Variants in UVRAG observed in about 807,000 individuals in gnomAD.
The protein encoded by UVRAG is UV radiation resistance-associated gene protein.
A neutral mutation model predicts 78.0 loss-of-function variants in UVRAG; 19 were observed. The observed-to-expected ratio is 0.24, with a 90% confidence interval of 0.17 to 0.36. UVRAG has a LOEUF of 0.36. Ranked by LOEUF, UVRAG falls within the 10% of genes least tolerant of loss-of-function variation. UVRAG has a pLI of 1.00. For synonymous variants in UVRAG, 323 were observed against 324.6 expected (o/e 1.00, Z 0.05); for missense variants, 740 against 853.8 (o/e 0.87, Z 1.66).
At chr11:75,988,342 AT>A (rs1949541296) in intron 8 of UVRAG, among the ~76,000 whole-genome samples, 1 of 152,164 alleles carries the variant, frequency 6.6e-6, no homozygotes, top group African/African-American at 2.4e-5. Flanking sequence ...CTTTTCTAGC[AT>A]TTCATATGAA....
chr11:75,883,114 G>A (rs1946988416), intron 4 of UVRAG, among the ~76,000 whole-genome samples: 1 of 152,062 alleles, frequency 6.6e-6, no homozygotes, highest in African/African-American at 2.4e-5. Context: ...TTAAGTACTT[G>A]TTTCTCTTCT....
intron 1 of UVRAG, among the ~76,000 whole-genome samples, chr11:75,829,549 T>C (rs561741415): frequency 1.6e-4 from 24 of 152,282 alleles, no homozygotes; most frequent in Admixed American, 6.5e-5. Context: ...AGAGACTGTT[T>C]AGGTGCTGGA....
At chr11:76,055,606 G>C (rs1342237407) in intron 12 of UVRAG, among the ~76,000 whole-genome samples, 1 of 152,182 alleles carries the variant, frequency 6.6e-6, no homozygotes, top group Non-Finnish European at 1.5e-5. Flanking sequence ...TCAGATATCA[G>C]TAGACTTCCC....
At chr11:76,087,512 G>A (rs758967083) in intron 13 of UVRAG, among the ~76,000 whole-genome samples, 29 of 152,172 alleles carry the variant, frequency 1.9e-4, no homozygotes, top group Non-Finnish European at 2.8e-4. Flanking sequence ...ATTACTGTGT[G>A]TCAGACAAGG....
chr11:75,977,595 T>C (rs1410869716), intron 7 of UVRAG, among the ~76,000 whole-genome samples: 2 of 152,246 alleles, frequency 1.3e-5, no homozygotes, highest in Non-Finnish European at 2.9e-5. Flanking sequence ...TTAGCTCTTC[T>C]AGTTGAATTG....
chr11:76,079,793 T>G (rs1951465396), intron 13 of UVRAG, among the ~76,000 whole-genome samples: 1 of 152,220 alleles, frequency 6.6e-6, no homozygotes, highest in Non-Finnish European at 1.5e-5. Flanking sequence ...CATAAGGAAA[T>G]AATTCTAACT....
intron 7 of UVRAG, among the ~76,000 whole-genome samples, chr11:75,970,861 A>C (rs1435272493): frequency 1.3e-5 from 2 of 152,132 alleles, no homozygotes; most frequent in East Asian, 1.9e-4. Flanking sequence ...AATTAATATT[A>C]ATACATTATT....
At chr11:75,979,070 CT>C (rs1374024286) in intron 7 of UVRAG, among the ~76,000 whole-genome samples, 1 of 152,112 alleles carries the variant, frequency 6.6e-6, no homozygotes, top group African/African-American at 2.4e-5. Flanking sequence ...GATATCCTTT[CT>C]GTTTGTTAGT....
chr11:76,018,867 T>C (rs1427853476), intron 12 of UVRAG, among the ~76,000 whole-genome samples: 1 of 152,246 alleles, frequency 6.6e-6, no homozygotes, highest in Non-Finnish European at 1.5e-5. Context: ...CTTCTTGTAC[T>C]TGAATATTGA....
At chr11:76,002,033 GC>G (rs1949824153) in intron 8 of UVRAG, among the ~76,000 whole-genome samples, 1 of 152,136 alleles carries the variant, frequency 6.6e-6, no homozygotes, top group Non-Finnish European at 1.5e-5. Context: ...GGACATCATT[GC>G]TTCCAGATGT....
intron 6 of UVRAG, among the ~76,000 whole-genome samples, chr11:75,959,700 A>C (rs1000459541): frequency 3.9e-5 from 6 of 152,162 alleles, no homozygotes; most frequent in African/African-American, 1.2e-4. Context: ...TGCATTCACA[A>C]CTTGGCTGAC....
At chr11:75,886,905 T>A (rs1947090223) in intron 4 of UVRAG, among the ~76,000 whole-genome samples, 1 of 152,112 alleles carries the variant, frequency 6.6e-6, no homozygotes, top group Non-Finnish European at 1.5e-5. Context: ...AAGCTATTTA[T>A]ATATTTCATA....
chr11:75,941,693 T>A (rs1194288902), intron 6 of UVRAG, among the ~76,000 whole-genome samples: 1 of 152,128 alleles, frequency 6.6e-6, no homozygotes, highest in East Asian at 1.9e-4. Flanking sequence ...ATTATTTCCT[T>A]TGGTGCAGAG....
chr11:76,099,683 G>T (rs1329193473), intron 13 of UVRAG, among the ~76,000 whole-genome samples: 1 of 151,896 alleles, frequency 6.6e-6, no homozygotes, highest in Non-Finnish European at 1.5e-5. Flanking sequence ...TATAGATCTT[G>T]CTATTTTGGT....
At chr11:76,016,097 T>C (rs1950140686) in intron 11 of UVRAG, among the ~76,000 whole-genome samples, 1 of 152,194 alleles carries the variant, frequency 6.6e-6, no homozygotes, top group African/African-American at 2.4e-5. Context: ...GTTTAGAAAA[T>C]GTAATTGTCT....
chr11:76,015,927 C>T (rs932326250), intron 11 of UVRAG, among the ~76,000 whole-genome samples: 4 of 152,230 alleles, frequency 2.6e-5, no homozygotes, highest in East Asian at 1.9e-4. Flanking sequence ...AGTGCACACA[C>T]GTGCACTTGT....
chr11:75,932,363 C>T (rs978949853), intron 6 of UVRAG, among the ~76,000 whole-genome samples: 1 of 152,016 alleles, frequency 6.6e-6, no homozygotes, highest in Non-Finnish European at 1.5e-5. Flanking sequence ...TGGCTCACTG[C>T]AACCTCTGCC....
At chr11:75,933,255 A>G (rs1270752807) in intron 6 of UVRAG, among the ~76,000 whole-genome samples, 1 of 152,212 alleles carries the variant, frequency 6.6e-6, no homozygotes, top group Non-Finnish European at 1.5e-5. Context: ...CATACATTGG[A>G]GAAAGATCAG....
At chr11:75,904,468 A>ACT (rs1414214709) in intron 5 of UVRAG, among the ~76,000 whole-genome samples, 5 of 152,250 alleles carry the variant, frequency 3.3e-5, no homozygotes, top group African/African-American at 1.2e-4. Flanking sequence ...GTGAAGTTAG[A>ACT]TGTCATTCAG....
Sources: allele counts gnomAD v4.1 joint callset (sites outside exome capture counted in the v4.1 genomes callset), GRCh38; gene constraint gnomAD v4.1.1; transcripts MANE v1.5; gene names NCBI Gene and HGNC (gene_info 2026-07-23, HGNC 2026-07-21).